GABRG3: variants seen among roughly 807,000 people sequenced by gnomAD.
GABRG3 encodes gamma-aminobutyric acid receptor subunit gamma-3.
Under a neutral mutation model 48.8 loss-of-function variants are expected in GABRG3, and 25 were observed. The observed-to-expected ratio is 0.51, with a 90% CI of 0.37 to 0.72. The LOEUF (loss-of-function observed/expected upper bound fraction) is 0.72. GABRG3 is among the 30% of genes least tolerant of loss of function. GABRG3 has a pLI of 0.00. For missense variants in GABRG3, 394 were observed against 577.9 expected (o/e 0.68, Z 3.26); for synonymous variants, 227 against 217.6 (o/e 1.04, Z -0.38).
chr15:27,000,054 C>T (rs1049215364), intron 2 of GABRG3, among the ~76,000 whole-genome samples: 2 of 152,104 alleles, frequency 1.3e-5, no homozygotes, highest in Non-Finnish European at 2.9e-5. Context: ...CTCTAATTAT[C>T]TTTGCTTCTA....
chr15:27,305,509 T>C (rs1034665805), intron 3 of GABRG3, among the ~76,000 whole-genome samples: 10 of 146,502 alleles, frequency 6.8e-5, no homozygotes, highest in African/African-American at 2.5e-4. Flanking sequence ...TATAAACATA[T>C]ATAAACATAT....
chr15:27,257,516 A>G (rs1595618028), intron 3 of GABRG3, among the ~76,000 whole-genome samples: 1 of 152,150 alleles, frequency 6.6e-6, no homozygotes, highest in Non-Finnish European at 1.5e-5. Context: ...CAGGTTTTAC[A>G]TTGAAGTCTT....
At chr15:27,070,440 A>G (rs1328075906) in intron 3 of GABRG3, among the ~76,000 whole-genome samples, 3 of 152,116 alleles carry the variant, frequency 2.0e-5, no homozygotes, top group Admixed American at 1.3e-4. Context: ...GTTCAATCCA[A>G]CTGCACTCCA....
At chr15:27,509,624 A>G (rs1454154888) in intron 6 of GABRG3, among the ~76,000 whole-genome samples, 1 of 152,186 alleles carries the variant, frequency 6.6e-6, no homozygotes, top group Non-Finnish European at 1.5e-5. Flanking sequence ...TAAGTTTACT[A>G]ATGTGCCTAT....
At chr15:27,381,301 C>T (rs1386229503) in intron 5 of GABRG3, among the ~76,000 whole-genome samples, 3 of 152,186 alleles carry the variant, frequency 2.0e-5, no homozygotes, top group Non-Finnish European at 4.4e-5. Context: ...ACAGAATGCT[C>T]TCGGCATATT....
intron 3 of GABRG3, chr15:27,271,724 A>G: frequency 2.3e-6 from 1 of 432,834 alleles, no homozygotes; most frequent in Non-Finnish European, 4.7e-6. Flanking sequence ...GACCTCCTGC[A>G]CCAAGAGCCA....
intron 5 of GABRG3, among the ~76,000 whole-genome samples, chr15:27,331,692 A>T (rs1186264390): frequency 6.6e-6 from 1 of 152,194 alleles, no homozygotes; most frequent in African/African-American, 2.4e-5. Context: ...ATGAATGCTA[A>T]AATCAGTCCC....
intron 3 of GABRG3, among the ~76,000 whole-genome samples, chr15:27,198,714 C>G (rs547868338): frequency 6.6e-6 from 1 of 152,294 alleles, no homozygotes; most frequent in Non-Finnish European, 1.5e-5. Flanking sequence ...TATTGCAGCA[C>G]TATTCACGAT....
At chr15:27,423,423 T>TTC (rs1843733993) in intron 5 of GABRG3, among the ~76,000 whole-genome samples, 1 of 152,032 alleles carries the variant, frequency 6.6e-6, no homozygotes, top group Admixed American at 6.6e-5. Context: ...TCACAGTGAG[T>TTC]TCCTATATGT....
chr15:27,372,490 T>G (rs949400783), intron 5 of GABRG3, among the ~76,000 whole-genome samples: 7 of 151,806 alleles, frequency 4.6e-5, no homozygotes, highest in Non-Finnish European at 1.0e-4. Context: ...ACTCCTGGAG[T>G]CAAGCAATCC....
At chr15:27,306,140 A>G (rs1892415965) in intron 3 of GABRG3, among the ~76,000 whole-genome samples, 3 of 128,622 alleles carry the variant, frequency 2.3e-5, no homozygotes, top group African/African-American at 2.9e-5. Context: ...GTTTATATAT[A>G]AACATATATA....
chr15:27,080,336 C>G (rs1487787879), intron 3 of GABRG3, among the ~76,000 whole-genome samples: 1 of 152,042 alleles, frequency 6.6e-6, no homozygotes, highest in Admixed American at 6.6e-5. Context: ...GTGGTGTGTG[C>G]CTGTAATCCC....
At chr15:27,232,379 C>G (rs914570741) in intron 3 of GABRG3, among the ~76,000 whole-genome samples, 2 of 152,158 alleles carry the variant, frequency 1.3e-5, no homozygotes, top group African/African-American at 4.8e-5. Context: ...GAACTGCAGT[C>G]AAGGTGAGTG....
chr15:27,153,382 T>C (rs2140398010), intron 3 of GABRG3, among the ~76,000 whole-genome samples: 1 of 152,356 alleles, frequency 6.6e-6, no homozygotes, highest in African/African-American at 2.4e-5. Context: ...TATCACACAA[T>C]GTTGGTTACT....
intron 5 of GABRG3, among the ~76,000 whole-genome samples, chr15:27,332,817 C>G (rs745584483): frequency 6.6e-6 from 1 of 152,044 alleles, no homozygotes; most frequent in Non-Finnish European, 1.5e-5. Flanking sequence ...AATATATGCA[C>G]AGAGATGAGG....
chr15:27,501,757 C>T (rs568919782), intron 6 of GABRG3, among the ~76,000 whole-genome samples: 2 of 152,238 alleles, frequency 1.3e-5, no homozygotes, highest in African/African-American at 4.8e-5. Flanking sequence ...AGTTCTGTCT[C>T]GTTTGGTTGT....
intron 3 of GABRG3, among the ~76,000 whole-genome samples, chr15:27,210,516 A>G (rs931685411): frequency 2.0e-5 from 3 of 152,186 alleles, no homozygotes; most frequent in Non-Finnish European, 4.4e-5. Context: ...GCGTGCTCAC[A>G]TGACAACCCC....
chr15:27,155,549 G>A (rs1898403220), intron 3 of GABRG3, among the ~76,000 whole-genome samples: 1 of 152,134 alleles, frequency 6.6e-6, no homozygotes, highest in Admixed American at 6.5e-5. Context: ...TATTTAAGCT[G>A]TCTGTTTTGG....
intron 5 of GABRG3, among the ~76,000 whole-genome samples, chr15:27,344,296 G>C (rs929564438): frequency 2.6e-5 from 4 of 152,240 alleles, no homozygotes; most frequent in African/African-American, 9.6e-5. Flanking sequence ...GGATTTCCTT[G>C]ATCATCTTAA....
Sources: allele counts gnomAD v4.1 joint callset (sites outside exome capture counted in the v4.1 genomes callset), GRCh38; gene constraint gnomAD v4.1.1; transcripts MANE v1.5; gene names NCBI Gene and HGNC (gene_info 2026-07-23, HGNC 2026-07-21).